PRICKLE1: variants seen among roughly 807,000 people sequenced by gnomAD.
PRICKLE1 encodes the protein prickle planar cell polarity protein 1, also known as prickle-like protein 1.
A neutral mutation model predicts 70.2 loss-of-function variants in PRICKLE1; 14 were observed. The observed-to-expected ratio is 0.20, with a 90% CI of 0.13 to 0.31. The LOEUF (loss-of-function observed/expected upper bound fraction) is 0.31. PRICKLE1 is among the 10% of genes least tolerant of loss of function. The probability of loss-of-function intolerance (pLI) is 1.00; values close to 1 mark genes in which losing one functional copy is unlikely to be tolerated. For missense variants in PRICKLE1, 821 were observed against 1,026.2 expected (o/e 0.80, Z 2.73); for synonymous variants, 357 against 379.9 (o/e 0.94, Z 0.70).
At chr12:42,502,164 T>C (rs1213106426) in intron 1 of PRICKLE1, among the ~76,000 whole-genome samples, 1 of 151,842 alleles carries the variant, frequency 6.6e-6, no homozygotes, top group Non-Finnish European at 1.5e-5. Context: ...TACACCTATA[T>C]ATATATACAC....
intron 1 of PRICKLE1, chr12:42,485,426 A>G (rs1938969289): frequency 6.6e-6 from 1 of 152,178 alleles, no homozygotes. Flanking sequence ...ACGTTCTGAT[A>G]TAGAACTCTT....
At chr12:42,462,646 G>A (rs375791988) in intron 7 of PRICKLE1, among the ~76,000 whole-genome samples, 1 of 152,166 alleles carries the variant, frequency 6.6e-6, no homozygotes, top group Non-Finnish European at 1.5e-5. Context: ...CAGAAGCCGG[G>A]GGGGTAGCTT....
At chr12:42,466,439 G>A in intron 5 of PRICKLE1, 59 bp from the exon 6 acceptor site, 1 of 1,500,820 alleles carries the variant, frequency 6.7e-7, no homozygotes, top group Non-Finnish European at 9.3e-7. Context: ...CTATTTTAAA[G>A]GCCAAGTAAC....
intron 1 of PRICKLE1, among the ~76,000 whole-genome samples, chr12:42,513,030 A>G (rs11181533): frequency 0.35 from 53,191 of 151,948 alleles, 11,207 homozygotes; most frequent in East Asian, 0.51. Context: ...CAATGGCACC[A>G]TCTTGGCTCA....
chr12:42,492,730 A>G (rs1939128181), intron 1 of PRICKLE1, among the ~76,000 whole-genome samples: 3 of 152,314 alleles, frequency 2.0e-5, no homozygotes, highest in Admixed American at 6.5e-5. Context: ...TTTTGATCCA[A>G]GTTACTTTTA....
At chr12:42,505,068 G>A (rs1003622217) in intron 1 of PRICKLE1, among the ~76,000 whole-genome samples, 1 of 152,178 alleles carries the variant, frequency 6.6e-6, no homozygotes, top group African/African-American at 2.4e-5. Flanking sequence ...GAACCCAGGA[G>A]GTGGAGGTTG....
intron 1 of PRICKLE1, among the ~76,000 whole-genome samples, chr12:42,507,709 C>T (rs576071115): frequency 6.6e-6 from 1 of 152,190 alleles, no homozygotes; most frequent in Non-Finnish European, 1.5e-5. Context: ...GCGGCAGAGC[C>T]TAAATGATGT....
intron 1 of PRICKLE1, among the ~76,000 whole-genome samples, chr12:42,547,466 T>C (rs954816176): frequency 1.1e-4 from 17 of 152,208 alleles, no homozygotes; most frequent in African/African-American, 4.1e-4. Flanking sequence ...GGACTTGGAG[T>C]TGGAGCTGAA....
intron 1 of PRICKLE1, among the ~76,000 whole-genome samples, chr12:42,507,358 G>C (rs1000467509): frequency 3.3e-5 from 5 of 152,148 alleles, no homozygotes; most frequent in Non-Finnish European, 7.4e-5. Flanking sequence ...TTAAAACAAT[G>C]ACTCTTACAG....
chr12:42,571,801 G>A (rs142751233), intron 1 of PRICKLE1, among the ~76,000 whole-genome samples: 144 of 152,316 alleles, frequency 9.5e-4, no homozygotes, highest in African/African-American at 3.2e-3. Flanking sequence ...GTACCTGTAT[G>A]AGTACATGCC....
At chr12:42,540,971 T>C (rs1401453445) in intron 1 of PRICKLE1, among the ~76,000 whole-genome samples, 7 of 152,188 alleles carry the variant, frequency 4.6e-5, no homozygotes, top group African/African-American at 1.7e-4. Flanking sequence ...TATTTATGGG[T>C]AGAATAGAGA....
At chr12:42,513,390 CAATT>C (rs1232498886) in intron 1 of PRICKLE1, among the ~76,000 whole-genome samples, 15 of 152,136 alleles carry the variant, frequency 9.9e-5, no homozygotes, top group African/African-American at 3.6e-4. Flanking sequence ...AGTAGGTACT[CAATT>C]AATATTTGTT....
chr12:42,552,548 CAA>C (rs1453189087), intron 1 of PRICKLE1, among the ~76,000 whole-genome samples: 1 of 152,146 alleles, frequency 6.6e-6, no homozygotes, highest in Non-Finnish European at 1.5e-5. Context: ...TCATTACAGC[CAA>C]AGTCAGAGAA....
chr12:42,530,154 G>C (rs534079619), intron 1 of PRICKLE1, among the ~76,000 whole-genome samples: 3 of 152,038 alleles, frequency 2.0e-5, no homozygotes, highest in African/African-American at 7.2e-5. Flanking sequence ...ATGTTGGCCA[G>C]GTTGGTCTTG....
intron 1 of PRICKLE1, among the ~76,000 whole-genome samples, chr12:42,507,162 C>G (rs1038839476): frequency 2.0e-5 from 3 of 152,104 alleles, no homozygotes; most frequent in Admixed American, 2.0e-4. Context: ...TGCTGTCCTT[C>G]TGGGTAGGGC....
At chr12:42,551,594 C>T (rs1315101954) in intron 1 of PRICKLE1, among the ~76,000 whole-genome samples, 1 of 152,244 alleles carries the variant, frequency 6.6e-6, no homozygotes, top group Middle Eastern at 3.4e-3. Flanking sequence ...ATAAGGGTGC[C>T]ATCTCTGTAT....
intron 1 of PRICKLE1, among the ~76,000 whole-genome samples, chr12:42,572,435 TTAAATAAATAAATAAA>T (rs35565532): frequency 0.019 from 2,811 of 147,666 alleles, 74 homozygotes; most frequent in African/African-American, 0.067. Context: ...AAACTCTGTC[TTAAATAAATAAATAAA>T]TAAATAAATA....
At chr12:42,549,745 G>A (rs1050523800) in intron 1 of PRICKLE1, among the ~76,000 whole-genome samples, 4 of 152,144 alleles carry the variant, frequency 2.6e-5, no homozygotes. Context: ...ATCATCTACA[G>A]GATAAAATCT....
intron 1 of PRICKLE1, among the ~76,000 whole-genome samples, chr12:42,541,377 G>A (rs888206348): frequency 6.7e-6 from 1 of 150,056 alleles, no homozygotes; most frequent in Non-Finnish European, 1.5e-5. Context: ...GTCTTGCTCT[G>A]TTGCCCAGGC....
Sources: allele counts gnomAD v4.1 joint callset (sites outside exome capture counted in the v4.1 genomes callset), GRCh38; gene constraint gnomAD v4.1.1; transcripts MANE v1.5; gene names NCBI Gene and HGNC (gene_info 2026-07-23, HGNC 2026-07-21).